Variants in STRN3 observed in about 807,000 individuals in gnomAD.
STRN3 encodes striatin-3.
A neutral mutation model predicts 95.6 loss-of-function variants in STRN3; 29 were observed. That is an observed-to-expected ratio of 0.30 (90% CI 0.23 to 0.41). The LOEUF is 0.41. Ranked by LOEUF, STRN3 falls within the 10% of genes least tolerant of loss-of-function variation. The probability of loss-of-function intolerance (pLI) is 1.00; values close to 1 mark genes in which losing one functional copy is unlikely to be tolerated. For synonymous variants in STRN3, 331 were observed against 357.6 expected, an observed-to-expected ratio of 0.93 and a Z score of 0.84; for missense variants, 890 against 972.1, an observed-to-expected ratio of 0.92 and a Z score of 1.12.
intron 1 of STRN3, chr14:31,025,262 A>G (rs1164274993): frequency 1.3e-5 from 2 of 153,222 alleles, no homozygotes; most frequent in African/African-American, 4.8e-5. Context: ...GTAAGGAATA[A>G]CTACAGAGAA....
At chr14:30,898,151 A>AT (rs1896207388) in intron 16 of STRN3, among the ~76,000 whole-genome samples, 1 of 151,930 alleles carries the variant, frequency 6.6e-6, no homozygotes, top group African/African-American at 2.4e-5. Flanking sequence ...TAATTTTTAA[A>AT]TTTTTTGTAG....
chr14:30,927,458 T>G (rs1878239309), intron 8 of STRN3, among the ~76,000 whole-genome samples: 1 of 151,984 alleles, frequency 6.6e-6, no homozygotes, highest in Non-Finnish European at 1.5e-5. Flanking sequence ...AAGATATAGG[T>G]CTAGTCACAG....
chr14:30,993,151 T>C (rs1187222977), intron 1 of STRN3, among the ~76,000 whole-genome samples: 1 of 151,916 alleles, frequency 6.6e-6, no homozygotes, highest in Non-Finnish European at 1.5e-5. Flanking sequence ...GTCCCAGCTA[T>C]TATACTTGGC....
At chr14:30,979,857 C>T (rs573919171) in intron 1 of STRN3, among the ~76,000 whole-genome samples, 2 of 151,834 alleles carry the variant, frequency 1.3e-5, no homozygotes, top group Non-Finnish European at 2.9e-5. Flanking sequence ...GCCTTGGCTT[C>T]CCAAAGTGCT....
intron 5 of STRN3, among the ~76,000 whole-genome samples, chr14:30,946,404 C>A (rs970244697): frequency 6.6e-6 from 1 of 151,906 alleles, no homozygotes; most frequent in Non-Finnish European, 1.5e-5. Flanking sequence ...ATTAGCTGGG[C>A]ATAGTGGCGC....
chr14:30,967,197 T>C (rs1880560701), intron 1 of STRN3, among the ~76,000 whole-genome samples: 1 of 124,832 alleles, frequency 8.0e-6, no homozygotes, highest in South Asian at 2.6e-4. Flanking sequence ...GTCCCTACCC[T>C]AGAGGCAGAG....
chr14:30,996,540 C>T (rs1460389514), intron 1 of STRN3, among the ~76,000 whole-genome samples: 1 of 152,160 alleles, frequency 6.6e-6, no homozygotes, highest in Non-Finnish European at 1.5e-5. Flanking sequence ...TGGGTTTGGC[C>T]TGTAAGCCAT....
chr14:31,004,966 G>A (rs919209320), intron 1 of STRN3, among the ~76,000 whole-genome samples: 3 of 152,036 alleles, frequency 2.0e-5, no homozygotes, highest in African/African-American at 7.2e-5. Flanking sequence ...GATGCTGAGG[G>A]CTTCAGTATT....
rs58379576 is a variant in STRN3, at chr14:30,973,677, T to C, written c.283-17435A>G. Reference sequence around the variant, plus strand: ...GCAGACAAAGACACTAAAGAAACTATAGACCAATCAACATCCCCTGTGAAC... The same window carrying C: ...GCAGACAAAGACACTAAAGAAACTACAGACCAATCAACATCCCCTGTGAAC... On this transcript the variant is annotated intron_variant, in intron 1 of 17. Transcript: ENST00000357479. Among the ~76,000 whole-genome samples the C allele has an allele frequency of 3.8e-3, 578 of 152,242 alleles. 2 individuals are homozygous for C. The highest frequency in any genetic ancestry group is 0.013 in the African/African-American group (542 of 41,536).
intron 3 of STRN3, among the ~76,000 whole-genome samples, chr14:30,951,358 C>T (rs1023494268): frequency 6.6e-6 from 1 of 151,950 alleles, no homozygotes; most frequent in Non-Finnish European, 1.5e-5. Context: ...CTCAGCCTCT[C>T]GAGTAGCTGG....
chr14:30,954,168 A>G (rs1879789888), intron 3 of STRN3, among the ~76,000 whole-genome samples: 2 of 152,092 alleles, frequency 1.3e-5, no homozygotes, highest in Admixed American at 6.6e-5. Context: ...TCATATATTT[A>G]TTGGCCATTT....
intron 8 of STRN3, among the ~76,000 whole-genome samples, 188 bp from the exon 9 acceptor site, chr14:30,919,294 A>G (rs1896820346): frequency 6.6e-6 from 1 of 151,874 alleles, no homozygotes; most frequent in South Asian, 2.1e-4. Flanking sequence ...AATATTTACT[A>G]TTTCTGTGGA....
intron 16 of STRN3, among the ~76,000 whole-genome samples, chr14:30,900,434 G>T (rs1594407632): frequency 6.9e-6 from 1 of 145,024 alleles, no homozygotes; most frequent in African/African-American, 2.5e-5. Flanking sequence ...CTCAACGGGG[G>T]GTGTGGGGCG....
chr14:30,983,414 G>A (rs1346912596), intron 1 of STRN3, among the ~76,000 whole-genome samples: 4 of 152,112 alleles, frequency 2.6e-5, no homozygotes, highest in African/African-American at 9.7e-5. Flanking sequence ...GTGTGGTGGC[G>A]TATGCCTGTA....
intron 7 of STRN3, among the ~76,000 whole-genome samples, chr14:30,933,201 C>G (rs549125177): frequency 7.0e-6 from 1 of 143,106 alleles, no homozygotes; most frequent in African/African-American, 2.6e-5. Flanking sequence ...ACCCCTTGAG[C>G]CTGGGAGGTG....
At chr14:31,002,094 G>A (rs1882480751) in intron 1 of STRN3, among the ~76,000 whole-genome samples, 2 of 149,454 alleles carry the variant, frequency 1.3e-5, no homozygotes, top group Non-Finnish European at 3.0e-5. Context: ...TGAACCCGGT[G>A]GGCGGAGGTT....
At chr14:31,008,727 T>C (rs1263912433) in intron 1 of STRN3, among the ~76,000 whole-genome samples, 2 of 152,032 alleles carry the variant, frequency 1.3e-5, no homozygotes, top group Non-Finnish European at 2.9e-5. Flanking sequence ...AGTATTTGCG[T>C]ACATATTCTT....
rs1462753648 is a variant in STRN3 at position 30,968,407 on chromosome 14, C to T, written c.283-12165G>A. On this transcript the variant is annotated intron_variant, in intron 1 of 17. Transcript: ENST00000357479. ...TTTAAAAAAAAAAAAAAAAAACAGGCGTGGTGGCTCATGCCTGTAATCCCA... is the reference window on the plus strand; with the variant it reads ...TTTAAAAAAAAAAAAAAAAAACAGGTGTGGTGGCTCATGCCTGTAATCCCA... Among the ~76,000 whole-genome samples, 8 of 144,634 alleles carry T rather than the reference C, an allele frequency of 5.5e-5. No homozygotes were observed. In the Admixed American group the frequency reaches 5.6e-4, roughly 10 times the overall value. The allele number at this position is 144,634 out of a possible 152,430, so 94.9% of individuals were successfully genotyped here.
At chr14:30,990,184 A>C (rs1881886231) in intron 1 of STRN3, among the ~76,000 whole-genome samples, 1 of 146,880 alleles carries the variant, frequency 6.8e-6, no homozygotes, top group African/African-American at 2.5e-5. Context: ...TTTTTTTGAG[A>C]TGGAGTATCA....
Sources: allele counts gnomAD v4.1 joint callset (sites outside exome capture counted in the v4.1 genomes callset), GRCh38; gene constraint gnomAD v4.1.1; transcripts MANE v1.5; gene names NCBI Gene and HGNC (gene_info 2026-07-23, HGNC 2026-07-21).